Variants in DEPTOR observed in about 807,000 individuals in gnomAD.
DEPTOR encodes the protein DEP domain-containing mTOR-interacting protein.
DEPTOR carries 41 observed loss-of-function variants against 41.6 expected under a neutral mutation model. The observed-to-expected ratio is 0.98, with a 90% CI of 0.77 to 1.28. The LOEUF (loss-of-function observed/expected upper bound fraction) is 1.28, where lower values mean the gene tolerates loss of function less well. Ranked by LOEUF, DEPTOR falls within the 50% of genes most tolerant of loss-of-function variation. The pLI is 0.00. For synonymous variants in DEPTOR, 195 were observed against 192.3 expected, an observed-to-expected ratio of 1.01 and a Z score of -0.12; for missense variants, 514 against 527.9, an observed-to-expected ratio of 0.97 and a Z score of 0.26.
At chr8:119,903,270 G>A (rs1026749303) in intron 1 of DEPTOR, among the ~76,000 whole-genome samples, 1 of 152,214 alleles carries the variant, frequency 6.6e-6, no homozygotes, top group African/African-American at 2.4e-5. Context: ...AGCTAATTTT[G>A]TATTTTTAGT....
chr8:119,963,309 C>T (rs1049799387), intron 3 of DEPTOR, among the ~76,000 whole-genome samples: 1 of 151,798 alleles, frequency 6.6e-6, no homozygotes, highest in African/African-American at 2.4e-5. Flanking sequence ...TTGATGTCCC[C>T]CTAGCCAAGG....
intron 1 of DEPTOR, among the ~76,000 whole-genome samples, chr8:119,905,302 A>T (rs1827648392): frequency 6.6e-6 from 1 of 152,170 alleles, no homozygotes; most frequent in Non-Finnish European, 1.5e-5. Context: ...CAATAGAAGG[A>T]TGTGCAAGGT....
At chr8:119,936,749 C>T (rs145702328) in intron 3 of DEPTOR, among the ~76,000 whole-genome samples, 6 of 152,262 alleles carry the variant, frequency 3.9e-5, no homozygotes, top group African/African-American at 9.6e-5. Flanking sequence ...TAAGGCCAAG[C>T]GTAGTGGCCC....
Position 119,981,422 on chromosome 8 carries a change from C to T in DEPTOR, c.604+16012C>T, listed in dbSNP as rs183993978. On this transcript the variant is annotated intron_variant, in intron 4 of 8. Transcript: ENST00000286234. ...CTGTATTCCCAGCACTTTGGGAGGC[C>T]GAGGCAGGCAATCGTTTGAGGCCAG... Among the ~76,000 whole-genome samples, 22 of 152,084 alleles carry T rather than the reference C, an allele frequency of 1.4e-4. No individual in the cohort carries two copies. The South Asian group carries it at 1.7e-3, about 11-fold the overall frequency.
chr8:119,932,488 C>CA (rs911884827), intron 3 of DEPTOR, among the ~76,000 whole-genome samples: 10 of 152,220 alleles, frequency 6.6e-5, no homozygotes, highest in African/African-American at 2.4e-4. Flanking sequence ...TTGGATCTCC[C>CA]TTCCATCCTA....
At chr8:120,038,501 G>A (rs1004310093) in intron 8 of DEPTOR, among the ~76,000 whole-genome samples, 1 of 150,610 alleles carries the variant, frequency 6.6e-6, no homozygotes, top group African/African-American at 2.4e-5. Context: ...TGAGGTGGGA[G>A]GATATAGCTT....
chr8:119,955,724 C>G (rs1359771081), intron 3 of DEPTOR, among the ~76,000 whole-genome samples: 1 of 152,146 alleles, frequency 6.6e-6, no homozygotes, highest in African/African-American at 2.4e-5. Flanking sequence ...CCTTGGCCTC[C>G]CAAAGTGCTG....
intron 1 of DEPTOR, among the ~76,000 whole-genome samples, chr8:119,894,178 T>A (rs1192800336): frequency 6.6e-6 from 1 of 151,740 alleles, no homozygotes; most frequent in Non-Finnish European, 1.5e-5. Context: ...AAGCGATCCT[T>A]CCACCTTAGC....
chr8:119,961,246 G>A (rs975798639), intron 3 of DEPTOR, among the ~76,000 whole-genome samples: 11 of 151,598 alleles, frequency 7.3e-5, no homozygotes, highest in African/African-American at 1.7e-4. Context: ...GAGAAACCCC[G>A]TCTCTATGAA....
At position 119,969,354 on chromosome 8, in the gene DEPTOR, T is replaced by G. The variant is rs1000575647; in HGVS notation, c.604+3944T>G. ...TTTTGATAATAAATCTGTTTTGTTT[T>G]TTTTTGTTTTTTTTTTTGAGATGGA... On this transcript the variant is annotated intron_variant, in intron 4 of 8. Transcript: ENST00000286234. Among the ~76,000 whole-genome samples the G allele has an allele frequency of 9.5e-3, 1,443 of 151,536 alleles. 17 individuals carry two copies. Among genetic ancestry groups the G allele is most frequent in the African/African-American group, 0.033 (1,347 of 41,090 alleles).
At chr8:119,945,993 C>T (rs1445386452) in intron 3 of DEPTOR, among the ~76,000 whole-genome samples, 1 of 152,124 alleles carries the variant, frequency 6.6e-6, no homozygotes, top group Non-Finnish European at 1.5e-5. Context: ...AGGCTTTGTC[C>T]ACGCAAACCA....
At chr8:119,896,445 T>G (rs931032188) in intron 1 of DEPTOR, among the ~76,000 whole-genome samples, 1 of 152,158 alleles carries the variant, frequency 6.6e-6, no homozygotes, top group Non-Finnish European at 1.5e-5. Flanking sequence ...CCCCAGCTAT[T>G]GTGGACATGG....
chr8:120,014,829 C>T lies in DEPTOR; in HGVS notation c.1101+5696C>T, dbSNP rs1314560810. Among the ~76,000 whole-genome samples, 3 of 152,042 alleles carry T rather than the reference C, an allele frequency of 2.0e-5. No homozygotes were observed. In the East Asian group the frequency reaches 5.8e-4, roughly 29 times the overall value. ...TAAACCACCATGCCCAACCCCCAAG[C>T]TATTCTGTAGGTTACAGTATAATGA... On this transcript the variant is annotated intron_variant, in intron 8 of 8. Coordinates refer to ENST00000286234, the MANE Select transcript of DEPTOR (RefSeq NM_022783.4).
rs1207108457 is a variant in DEPTOR at position 120,030,497 on chromosome 8, G to GTTTGTTTTTT, written c.1102-19076_1102-19075insGTTTTTTTTT. ...AATGATGTATTGTGTAGGTTCATCAGTTTTTTTTTTTTTTTTTTTTTTTTT... is the reference window on the plus strand; with the variant it reads ...AATGATGTATTGTGTAGGTTCATCAGTTTGTTTTTTTTTTTTTTTTTTTTTTTTTTTTTTT... On this transcript the variant is annotated intron_variant, in intron 8 of 8. Coordinates refer to ENST00000286234, the MANE Select transcript of DEPTOR (RefSeq NM_022783.4). 1.5e-3 allele frequency among the ~76,000 whole-genome samples: 71 copies of GTTTGTTTTTT among 46,218 alleles called. 1 individual carries two copies. The highest frequency in any genetic ancestry group is 0.01 in the East Asian group (15 of 1,490). 30.3% of individuals were successfully genotyped at this position (46,218 alleles called of 152,430 possible).
At position 120,028,452 on chromosome 8, in the gene DEPTOR, CTTTTTTT is replaced by C. The variant is rs754049805; in HGVS notation, c.1101+19335_1101+19341del. ...ACCAAGCAAAGAAACAGCTCCAAAT[CTTTTTTT>C]TTTTTTTTTTTTTTTCCTGAGACGG... On this transcript the variant is annotated intron_variant, in intron 8 of 8. Coordinates refer to ENST00000286234, the MANE Select transcript of DEPTOR (RefSeq NM_022783.4). Among the ~76,000 whole-genome samples the C allele has an allele frequency of 6.5e-5, 7 of 107,366 alleles. No individual in the cohort carries two copies. In the East Asian group the frequency reaches 1.4e-3, roughly 22 times the overall value. 70.4% of individuals were successfully genotyped at this position (107,366 alleles called of 152,430 possible). A position where few individuals can be genotyped will look rare whatever the true frequency, so the allele number is the denominator to read the frequency against.
intron 8 of DEPTOR, among the ~76,000 whole-genome samples, chr8:120,038,153 C>T (rs1813005846): frequency 6.6e-6 from 1 of 151,326 alleles, no homozygotes. Flanking sequence ...CCTGTAGTCC[C>T]AGCTACTAGG....
At chr8:119,970,164 A>G (rs568066064) in intron 4 of DEPTOR, among the ~76,000 whole-genome samples, 27 of 152,356 alleles carry the variant, frequency 1.8e-4, no homozygotes, top group Non-Finnish European at 3.2e-4. Flanking sequence ...TATGTTGACC[A>G]CATCTATACA....
chr8:119,888,066 C>T (rs548514939), intron 1 of DEPTOR, among the ~76,000 whole-genome samples: 1 of 152,230 alleles, frequency 6.6e-6, no homozygotes, highest in East Asian at 1.9e-4. Context: ...AGTAATCTTC[C>T]CACCTTGGCT....
chr8:120,018,189 A>C (rs1477800829), intron 8 of DEPTOR, among the ~76,000 whole-genome samples: 1 of 152,236 alleles, frequency 6.6e-6, no homozygotes, highest in African/African-American at 2.4e-5. Flanking sequence ...GGAACTAAAG[A>C]AGCAAATTGT....
Sources: gnomAD v4.1 joint callset for allele counts (sites outside exome capture counted in the v4.1 genomes callset) on GRCh38, gnomAD v4.1.1 for gene constraint, MANE v1.5 for transcripts, NCBI Gene and HGNC (gene_info 2026-07-23, HGNC 2026-07-21) for gene names.